Variants in OARD1 observed in about 807,000 individuals in gnomAD.
OARD1 encodes ADP-ribose glycohydrolase OARD1.
A neutral mutation model predicts 19.7 loss-of-function variants in OARD1; 19 were observed. That is an observed-to-expected ratio of 0.96 (90% CI 0.67 to 1.41). The LOEUF (loss-of-function observed/expected upper bound fraction) is 1.41. Ranked by LOEUF, OARD1 falls within the 40% of genes most tolerant of loss-of-function variation. The probability of loss-of-function intolerance (pLI) is 0.00; values close to 1 mark genes in which losing one functional copy is unlikely to be tolerated. For synonymous variants in OARD1, 70 were observed against 61.8 expected, an observed-to-expected ratio of 1.13 and a Z score of -0.62; for missense variants, 190 against 183.8, an observed-to-expected ratio of 1.03 and a Z score of -0.20.
In OARD1 at chr6:41,071,135, G is replaced by A. The variant is rs1306001081; in HGVS notation, c.181C>T (p.Gln61Ter). The change falls in exon 3 of 6, where the codon CAA (glutamine) becomes TAA (stop). Residue 61 changes from glutamine to a stop codon, truncating the protein, a stop_gained. Coordinates refer to ENST00000424266, the MANE Select transcript of OARD1 (RefSeq NM_001329686.2). LOFTEE classifies it high-confidence loss of function. ...GTAAGTGGTTTCCAAAACTCACGTT[G>A]ATTTAAAAGTTCTTGCACCCCTCCA... ...KFGGVQELLN[Q>*]QKKSGEVAVL... 3 of 1,614,068 alleles carry A rather than the reference G, an allele frequency of 1.9e-6. No homozygotes were observed. The highest frequency in any genetic ancestry group is 1.3e-5 in the African/African-American group (1 of 74,940).
At chr6:41,091,792 A>C in intron 1 of OARD1, 2 of 1,374,390 alleles carry the variant, frequency 1.5e-6, no homozygotes, top group Non-Finnish European at 2.0e-6. Context: ...TGGGATTGAG[A>C]TCGATCCTTA....
chr6:41,083,463 G>A (rs1264997131), intron 1 of OARD1, among the ~76,000 whole-genome samples: 1 of 152,052 alleles, frequency 6.6e-6, no homozygotes, highest in Non-Finnish European at 1.5e-5. Flanking sequence ...AATTCACAGA[G>A]TAAAATGAGC....
At chr6:41,089,448 G>A (rs1764139026) in intron 1 of OARD1, 2 of 944,678 alleles carry the variant, frequency 2.1e-6, no homozygotes, top group Non-Finnish European at 1.5e-6. Flanking sequence ...TCATAATGGA[G>A]GGCAGAGCAG....
At chr6:41,078,890 A>T (rs930091884) in intron 1 of OARD1, 1 of 511,594 alleles carries the variant, frequency 2.0e-6, no homozygotes, top group Non-Finnish European at 3.5e-6. Context: ...GTTAAAAATG[A>T]TACTGAATAT....
intron 1 of OARD1, among the ~76,000 whole-genome samples, chr6:41,093,766 C>T (rs577939439): frequency 3.9e-4 from 60 of 152,342 alleles, no homozygotes; most frequent in African/African-American, 1.3e-3. Context: ...CCACCATACC[C>T]GGCCAGGTAC....
chr6:41,073,946 T>C (rs747572797), upstream of OARD1, among the ~76,000 whole-genome samples: 10 of 152,240 alleles, frequency 6.6e-5, no homozygotes, highest in Non-Finnish European at 1.5e-4. Context: ...GTCCGGGCTG[T>C]AAGACCAGTC....
At position 41,068,964 on chromosome 6, in the gene OARD1, A is replaced by T; in HGVS notation, c.244-11T>A. The T allele has an allele frequency of 2.7e-6, 4 of 1,487,194 alleles. No homozygotes were observed. The highest frequency in any genetic ancestry group is 3.7e-6 in the Non-Finnish European group (4 of 1,081,092). 92.1% of individuals were successfully genotyped at this position (1,487,194 alleles called of 1,614,324 possible). A position where few individuals can be genotyped will look rare whatever the true frequency, so the allele number is the denominator to read the frequency against. ...CCTTTTCTTTGTAATCTGAACACAAAGGATTCAAACTTTCATCATCCCAAA... is the reference window on the plus strand; with the variant it reads ...CCTTTTCTTTGTAATCTGAACACAATGGATTCAAACTTTCATCATCCCAAA... On this transcript the variant is annotated splice_polypyrimidine_tract_variant and intron_variant, in intron 4 of 5. Coordinates refer to ENST00000424266, the MANE Select transcript of OARD1 (RefSeq NM_001329686.2).
Position 41,069,140 on chromosome 6 carries a change from A to T in OARD1, c.244-187T>A. The T allele has an allele frequency of 9.6e-6, 4 of 414,816 alleles. 1 individual carries two copies. The highest frequency in any genetic ancestry group is 1.0e-4 in the South Asian group (2 of 19,816). The allele number at this position is 414,816 out of a possible 1,614,324, so 25.7% of individuals were successfully genotyped here. A position where few individuals can be genotyped will look rare whatever the true frequency, so the allele number is the denominator to read the frequency against. On this transcript the variant is annotated intron_variant, in intron 4 of 5. Coordinates refer to ENST00000424266, the MANE Select transcript of OARD1 (RefSeq NM_001329686.2). ...TGGGAGACCTTCAAGAAAATCCACT[A>T]AATAGAGGCTGAGAAACCCAGACTC... is the stretch of plus-strand genomic sequence containing the variant.
intron 1 of OARD1, chr6:41,071,907 C>T (rs1763435768): frequency 2.1e-6 from 1 of 467,810 alleles, no homozygotes; most frequent in South Asian, 3.3e-5. Context: ...GAGCGCCCCG[C>T]TCCGTCAGCG....
At chr6:41,080,621 C>T (rs771423023) in intron 1 of OARD1, among the ~76,000 whole-genome samples, 6 of 152,200 alleles carry the variant, frequency 3.9e-5, no homozygotes, top group Non-Finnish European at 5.9e-5. Flanking sequence ...TTGAGGTCCA[C>T]TCTGGAGACA....
intron 1 of OARD1, among the ~76,000 whole-genome samples, chr6:41,090,907 A>G (rs926557011): frequency 1.3e-5 from 2 of 152,244 alleles, no homozygotes; most frequent in Non-Finnish European, 2.9e-5. Flanking sequence ...TAAATCAAAA[A>G]AGGACATCTT....
At position 41,066,219 on chromosome 6, in the gene OARD1, C is replaced by A. The variant is rs1416630078; in HGVS notation, c.*1116G>T. On this transcript the variant is annotated 3_prime_UTR_variant, in exon 6 of 6. Transcript: ENST00000424266. ...ACAGCTCAATGCAACTTCAACCTCCCAGGCTCAAGCCATCCTCCCGCCTCA... is the reference window on the plus strand; with the variant it reads ...ACAGCTCAATGCAACTTCAACCTCCAAGGCTCAAGCCATCCTCCCGCCTCA... The A allele has an allele frequency of 6.6e-6, 1 of 152,188 alleles. No homozygotes were observed. The highest frequency in any genetic ancestry group is 1.9e-4 in the East Asian group (1 of 5,194). 9.4% of individuals were successfully genotyped at this position (152,188 alleles called of 1,614,324 possible).
rs551459005 is a variant in OARD1 at position 41,097,300 on chromosome 6, A to G, written c.-42+413T>C. On this transcript the variant is annotated intron_variant, in intron 1 of 4. Coordinates refer to the OARD1 transcript ENST00000480585. ...CTTGGGGGGATAAGTAGTGAGAGCCATGAGTTCCTGTTGCTTTTGCAAAGG... is the reference window on the plus strand; with the variant it reads ...CTTGGGGGGATAAGTAGTGAGAGCCGTGAGTTCCTGTTGCTTTTGCAAAGG... 1.7e-5 allele frequency: 26 copies of G among 1,525,360 alleles called. No individual in the cohort carries two copies. The East Asian group carries it at 3.6e-4, about 21-fold the overall frequency. The allele number at this position is 1,525,360 out of a possible 1,614,324, so 94.5% of individuals were successfully genotyped here. A position where few individuals can be genotyped will look rare whatever the true frequency, so the allele number is the denominator to read the frequency against.
At chr6:41,073,524 C>T (rs1022963747), upstream of OARD1, among the ~76,000 whole-genome samples, 3 of 152,112 alleles carry the variant, frequency 2.0e-5, no homozygotes, top group African/African-American at 7.2e-5. Context: ...ACTCTCCACT[C>T]TCCGGCCCTT....
upstream of OARD1, among the ~76,000 whole-genome samples, chr6:41,077,462 T>G (rs974278909): frequency 1.3e-5 from 2 of 152,214 alleles, no homozygotes; most frequent in Non-Finnish European, 2.9e-5. Context: ...TACTGATGTC[T>G]TTTGGAGATT....
At position 41,092,980 on chromosome 6, in the gene OARD1, A is replaced by G. The variant is rs768572965; in HGVS notation, c.-42+4733T>C. ...CTCTACCTGGAGCAGAGATGCTTGA[A>G]GAAGAGCCTCTCTACGTGAATGCCA... On this transcript the variant is annotated intron_variant, in intron 1 of 4. Coordinates refer to the OARD1 transcript ENST00000480585. 3.1e-6 allele frequency: 5 copies of G among 1,614,130 alleles called. No homozygotes were observed. The South Asian group carries it at 5.5e-5, about 18-fold the overall frequency.
intron 1 of OARD1, chr6:41,092,832 A>T (rs1331805502): frequency 6.9e-7 from 1 of 1,459,754 alleles, no homozygotes; most frequent in East Asian, 2.3e-5. Context: ...TACAAAAAAA[A>T]TGGATGAAGA....
At chr6:41,077,613 T>G (rs1439344590) in intron 1 of OARD1, among the ~76,000 whole-genome samples, 1 of 152,234 alleles carries the variant, frequency 6.6e-6, no homozygotes, top group Admixed American at 6.5e-5. Flanking sequence ...ACAGTCTGGC[T>G]GAAAACCTGA....
At chr6:41,085,799 CAG>C (rs1274325365) in intron 1 of OARD1, among the ~76,000 whole-genome samples, 12 of 151,202 alleles carry the variant, frequency 7.9e-5, no homozygotes, top group African/African-American at 2.9e-4. Context: ...CTTGATGAAT[CAG>C]AATTTCTAAT....
Sources: gnomAD v4.1 joint callset for allele counts (sites outside exome capture counted in the v4.1 genomes callset) on GRCh38, gnomAD v4.1.1 for gene constraint, MANE v1.5 for transcripts, NCBI Gene and HGNC (gene_info 2026-07-23, HGNC 2026-07-21) for gene names.